ARB2A: variants seen among roughly 807,000 people sequenced by gnomAD.
ARB2A encodes cotranscriptional regulator ARB2A.
At chr5:93,659,757 G>C in the ARB2A span, among the ~76,000 whole-genome samples, 1 of 152,072 alleles carries the variant, frequency 6.6e-6, no homozygotes, top group African/African-American at 2.4e-5. Flanking sequence ...TGGTCTTGAA[G>C]GTCAAGGACA....
the ARB2A span, among the ~76,000 whole-genome samples, chr5:94,020,983 T>C: frequency 6.6e-6 from 1 of 152,148 alleles, no homozygotes; most frequent in African/African-American, 2.4e-5. Context: ...ATGGCACGTG[T>C]ATCCCTATGT....
the ARB2A span, among the ~76,000 whole-genome samples, chr5:93,627,682 TGCCCG>T: frequency 2.0e-5 from 3 of 152,120 alleles, no homozygotes; most frequent in African/African-American, 7.2e-5. Context: ...CCTCGTGATC[TGCCCG>T]CTTTGGCTTC....
chr5:93,950,025 G>A, the ARB2A span, among the ~76,000 whole-genome samples: 1 of 152,238 alleles, frequency 6.6e-6, no homozygotes, highest in African/African-American at 2.4e-5. Context: ...CATCTATGTT[G>A]TTGCAAATGA....
chr5:93,876,701 A>T, the ARB2A span, among the ~76,000 whole-genome samples: 1 of 152,104 alleles, frequency 6.6e-6, no homozygotes, highest in African/African-American at 2.4e-5. Flanking sequence ...AAAATAAAAT[A>T]GTTTCAGAAA....
the ARB2A span, among the ~76,000 whole-genome samples, chr5:93,939,141 A>T: frequency 3.8e-4 from 58 of 152,318 alleles, no homozygotes; most frequent in African/African-American, 1.3e-3. Context: ...TTATTCCTCA[A>T]TAGAATTGGC....
chr5:93,736,401 T>C, the ARB2A span: 1 of 152,230 alleles, frequency 6.6e-6, no homozygotes, highest in Non-Finnish European at 1.5e-5. Context: ...TGACTTTTGT[T>C]TTTAAAGTAC....
the ARB2A span, among the ~76,000 whole-genome samples, chr5:93,891,870 T>C: frequency 6.6e-6 from 1 of 152,120 alleles, no homozygotes; most frequent in African/African-American, 2.4e-5. Flanking sequence ...CAAGGGGTGA[T>C]ATGCATGTGC....
the ARB2A span, among the ~76,000 whole-genome samples, chr5:93,955,249 T>C: frequency 6.6e-6 from 1 of 152,182 alleles, no homozygotes; most frequent in Admixed American, 6.5e-5. Context: ...CTGCCTCCAC[T>C]CTCCTCCTTC....
At chr5:93,765,039 G>C in the ARB2A span, among the ~76,000 whole-genome samples, 1 of 152,116 alleles carries the variant, frequency 6.6e-6, no homozygotes, top group Non-Finnish European at 1.5e-5. Flanking sequence ...TTGATGGGAC[G>C]TATCTTAAAA....
At chr5:93,771,155 T>C in the ARB2A span, among the ~76,000 whole-genome samples, 1 of 151,784 alleles carries the variant, frequency 6.6e-6, no homozygotes, top group East Asian at 1.9e-4. Context: ...ACGCCGCATA[T>C]CTACAACTAT....
the ARB2A span, among the ~76,000 whole-genome samples, chr5:93,889,081 G>A: frequency 6.6e-6 from 1 of 151,390 alleles, no homozygotes; most frequent in African/African-American, 2.4e-5. Flanking sequence ...GTCTACATGA[G>A]ACCATTTTAT....
the ARB2A span, among the ~76,000 whole-genome samples, chr5:93,692,483 A>T: frequency 6.6e-6 from 1 of 152,244 alleles, no homozygotes; most frequent in Non-Finnish European, 1.5e-5. Flanking sequence ...GGATCAATGC[A>T]AAAAGAAGAG....
the ARB2A span, chr5:93,881,558 ACTTTAT>A: frequency 2.5e-6 from 4 of 1,610,976 alleles, no homozygotes; most frequent in Non-Finnish European, 3.4e-6. Flanking sequence ...TTCTTTAGAA[ACTTTAT>A]CTTTTCTTTC....
the ARB2A span, among the ~76,000 whole-genome samples, chr5:93,986,337 G>A: frequency 0.092 from 13,783 of 150,212 alleles, 787 homozygotes; most frequent in Middle Eastern, 0.17. Context: ...GGGCGCCCCC[G>A]CCCGGCAGCC....
At chr5:93,836,511 G>A in the ARB2A span, among the ~76,000 whole-genome samples, 1 of 152,102 alleles carries the variant, frequency 6.6e-6, no homozygotes, top group East Asian at 1.9e-4. Context: ...TATAAATTGT[G>A]CATTAATATA....
At chr5:93,866,026 C>T in the ARB2A span, 6 of 984,352 alleles carry the variant, frequency 6.1e-6, no homozygotes, top group Admixed American at 6.2e-5. Context: ...AGAGAAAAAA[C>T]GTTGCTAAAT....
At chr5:93,995,798 C>T in the ARB2A span, among the ~76,000 whole-genome samples, 25 of 152,158 alleles carry the variant, frequency 1.6e-4, no homozygotes, top group Admixed American at 8.5e-4. Context: ...GTAAATCTCA[C>T]GTTACGTGTT....
At chr5:93,983,434 T>C in the ARB2A span, among the ~76,000 whole-genome samples, 2 of 152,126 alleles carry the variant, frequency 1.3e-5, no homozygotes, top group Non-Finnish European at 2.9e-5. Flanking sequence ...TCTGGGATAA[T>C]TTAGGCATCA....
At chr5:93,690,142 C>T in the ARB2A span, among the ~76,000 whole-genome samples, 15 of 152,264 alleles carry the variant, frequency 9.9e-5, no homozygotes, top group South Asian at 2.1e-4. Flanking sequence ...GGGCAGACAA[C>T]GAGCTAGCTG....
Sources: gnomAD v4.1 joint callset for allele counts (sites outside exome capture counted in the v4.1 genomes callset) on GRCh38, gnomAD v4.1.1 for gene constraint, MANE v1.5 for transcripts, NCBI Gene and HGNC (gene_info 2026-07-23, HGNC 2026-07-21) for gene names.